The following SYT1 variants were observed in gnomAD, a reference collection of about 807,000 sequenced individuals.
The protein encoded by SYT1 is synaptotagmin 1.
Under a neutral mutation model 44.8 loss-of-function variants are expected in SYT1, and 8 were observed. The ratio of observed to expected loss-of-function variants is 0.18; its 90% CI spans 0.10 to 0.32. The LOEUF (loss-of-function observed/expected upper bound fraction) is 0.32, where lower values mean the gene tolerates loss of function less well. SYT1 is among the 10% of genes least tolerant of loss of function. SYT1 has a pLI of 1.00. For synonymous variants in SYT1, 154 were observed against 188.8 expected, an observed-to-expected ratio of 0.82 and a Z score of 1.51; for missense variants, 286 against 509.3, an observed-to-expected ratio of 0.56 and a Z score of 4.22.
At chr12:79,295,251 C>T (rs1277340428) in intron 6 of SYT1, among the ~76,000 whole-genome samples, 1 of 152,088 alleles carries the variant, frequency 6.6e-6, no homozygotes, top group East Asian at 1.9e-4. Context: ...ACTCACACCT[C>T]TTTTTTTCTT....
At chr12:79,258,084 ATTAT>A (rs1234357331) in intron 4 of SYT1, among the ~76,000 whole-genome samples, 3 of 137,164 alleles carry the variant, frequency 2.2e-5, no homozygotes, top group African/African-American at 5.8e-5. Flanking sequence ...ATAAAAAGTG[ATTAT>A]TTGAGTTTTG....
intron 2 of SYT1, among the ~76,000 whole-genome samples, chr12:79,040,169 C>G (rs1366297555): frequency 6.6e-6 from 1 of 151,874 alleles, no homozygotes; most frequent in Admixed American, 6.6e-5. Flanking sequence ...AATGGTATTT[C>G]TAGTTCCAGA....
At chr12:79,447,416 A>G (rs1870798545) in intron 10 of SYT1, among the ~76,000 whole-genome samples, 1 of 152,212 alleles carries the variant, frequency 6.6e-6, no homozygotes, top group Admixed American at 6.5e-5. Context: ...TTCCAAATGC[A>G]TGTGAGAATG....
intron 9 of SYT1, among the ~76,000 whole-genome samples, chr12:79,404,363 T>C (rs1228436861): frequency 6.6e-6 from 1 of 152,160 alleles, no homozygotes; most frequent in African/African-American, 2.4e-5. Context: ...GTAATTTATA[T>C]TATGTCCCAA....
Position 78,885,666 on chromosome 12 carries a change from A to C in SYT1, c.-217+20557A>C, listed in dbSNP as rs553194456. 6.5e-4 allele frequency among the ~76,000 whole-genome samples: 99 copies of C among 152,090 alleles called. 1 individual carries two copies. The highest frequency in any genetic ancestry group is 3.9e-3 in the East Asian group (20 of 5,130). ...CACGTGGGCCAGGTGCTGCAGGCTG[A>C]GGGAGCACTGAAAGCTTTTTTTCTG... On this transcript the variant is annotated intron_variant, in intron 1 of 10. Transcript: ENST00000261205.
chr12:79,037,719 A>G (rs771179312), intron 2 of SYT1, among the ~76,000 whole-genome samples: 1 of 151,780 alleles, frequency 6.6e-6, no homozygotes, highest in Non-Finnish European at 1.5e-5. Flanking sequence ...ATTACCTTCC[A>G]TACTGTTCCT....
chr12:78,980,183 G>A (rs982245493), intron 2 of SYT1, among the ~76,000 whole-genome samples: 14 of 151,654 alleles, frequency 9.2e-5, no homozygotes, highest in Admixed American at 6.6e-4. Context: ...ATGAGAGTTA[G>A]GGGACAAAGA....
intron 4 of SYT1, among the ~76,000 whole-genome samples, chr12:79,240,140 G>A (rs1376527523): frequency 6.6e-6 from 1 of 152,202 alleles, no homozygotes; most frequent in Non-Finnish European, 1.5e-5. Flanking sequence ...GGAGAGGGTA[G>A]AGTCTTGAAA....
chr12:79,116,699 A>T (rs756126841), intron 3 of SYT1, among the ~76,000 whole-genome samples: 41 of 152,188 alleles, frequency 2.7e-4, no homozygotes, highest in Non-Finnish European at 5.3e-4. Flanking sequence ...CCTTACCTAT[A>T]TTGAATTCTC....
intron 2 of SYT1, among the ~76,000 whole-genome samples, chr12:79,037,333 C>T (rs1873199625): frequency 6.6e-6 from 1 of 151,520 alleles, no homozygotes; most frequent in Non-Finnish European, 1.5e-5. Flanking sequence ...GCCATCCTGC[C>T]TCATTGTCAT....
intron 1 of SYT1, among the ~76,000 whole-genome samples, chr12:78,910,692 G>T (rs573798637): frequency 2.0e-5 from 3 of 151,872 alleles, no homozygotes; most frequent in African/African-American, 7.2e-5. Flanking sequence ...GCAAAAACAC[G>T]CAAAGTTACA....
intron 3 of SYT1, among the ~76,000 whole-genome samples, chr12:79,134,569 C>T (rs1003156699): frequency 2.0e-5 from 3 of 152,100 alleles, no homozygotes; most frequent in Non-Finnish European, 2.9e-5. Context: ...TACTAGAATG[C>T]TCCTTTAGTA....
chr12:78,976,932 T>C (rs1565745492), intron 1 of SYT1, among the ~76,000 whole-genome samples: 1 of 152,148 alleles, frequency 6.6e-6, no homozygotes, highest in Non-Finnish European at 1.5e-5. Context: ...CTCAGTTTTT[T>C]AGAGTTTCTA....
intron 4 of SYT1, among the ~76,000 whole-genome samples, chr12:79,283,407 C>T (rs557662191): frequency 6.6e-6 from 1 of 152,284 alleles, no homozygotes; most frequent in South Asian, 2.1e-4. Context: ...GTTCCTAGCT[C>T]TTTAACTCCC....
intron 8 of SYT1, among the ~76,000 whole-genome samples, chr12:79,316,957 T>C (rs1483187914): frequency 1.3e-5 from 2 of 152,208 alleles, no homozygotes; most frequent in South Asian, 2.1e-4. Context: ...TTTCCACATA[T>C]GTTAAATATT....
At chr12:79,309,110 G>T (rs1206201372) in intron 8 of SYT1, among the ~76,000 whole-genome samples, 1 of 152,154 alleles carries the variant, frequency 6.6e-6, no homozygotes, top group African/African-American at 2.4e-5. Context: ...GGGTGTCCTG[G>T]CTGTCTGTGT....
rs563790197 is a variant in SYT1, at chr12:79,128,221, G to A, written c.-18+80859G>A. On this transcript the variant is annotated intron_variant, in intron 3 of 10. Coordinates refer to ENST00000261205, the MANE Select transcript of SYT1 (RefSeq NM_005639.3). ...CCAGCCTGGGCAACATAAGGAGACC[G>A]TGTCTCTCTAAAAATGAAAAAATTA... Among the ~76,000 whole-genome samples, 30 of 152,090 alleles carry A rather than the reference G, an allele frequency of 2.0e-4. No individual in the cohort carries two copies. The East Asian group carries it at 3.7e-3, about 19-fold the overall frequency.
At chr12:79,228,002 T>A (rs952616871) in intron 4 of SYT1, among the ~76,000 whole-genome samples, 2 of 151,666 alleles carry the variant, frequency 1.3e-5, no homozygotes, top group African/African-American at 4.9e-5. Context: ...AGGTAAATTC[T>A]CTCTTGGTGT....
intron 4 of SYT1, among the ~76,000 whole-genome samples, chr12:79,218,635 C>G (rs1243304060): frequency 6.6e-6 from 1 of 152,074 alleles, no homozygotes; most frequent in Admixed American, 6.6e-5. Flanking sequence ...TTATTTATGT[C>G]CTGTGCCTGG....
Sources: gnomAD v4.1 joint callset for allele counts (sites outside exome capture counted in the v4.1 genomes callset) on GRCh38, gnomAD v4.1.1 for gene constraint, MANE v1.5 for transcripts, NCBI Gene and HGNC (gene_info 2026-07-23, HGNC 2026-07-21) for gene names.